The following PLD5 variants were observed in gnomAD, a reference collection of about 807,000 sequenced individuals.
PLD5 encodes inactive phospholipase D5.
In PLD5, 36 loss-of-function variants were observed where a neutral mutation model predicts 61.1. The ratio of observed to expected loss-of-function variants is 0.59; its 90% CI spans 0.45 to 0.78. The LOEUF is 0.78. PLD5 is among the 30% of genes least tolerant of loss of function. The pLI is 0.00. For synonymous variants in PLD5, 243 were observed against 242.8 expected, an observed-to-expected ratio of 1.00 and a Z score of -0.01; for missense variants, 515 against 644.4, an observed-to-expected ratio of 0.80 and a Z score of 2.17.
rs375148825 is a variant in PLD5, at chr1:242,115,951, A to C, written c.934-1925T>G. 7.2e-5 allele frequency among the ~76,000 whole-genome samples: 11 copies of C among 152,294 alleles called. No homozygotes were observed. The East Asian group carries it at 1.9e-3, about 27-fold the overall frequency. ...ATGGAGTTGCTGTAGAAAGGGAAAG[A>C]TGTGTTTGGTTTTCTCATTATTTTT... On this transcript the variant is annotated intron_variant, in intron 6 of 9. Transcript: ENST00000536534.
intron 2 of PLD5, among the ~76,000 whole-genome samples, chr1:242,310,367 C>A (rs1012340329): frequency 1.6e-4 from 24 of 152,114 alleles, no homozygotes; most frequent in African/African-American, 5.3e-4. Flanking sequence ...TCTTTTATTT[C>A]TTTTCTAGCA....
intron 5 of PLD5, among the ~76,000 whole-genome samples, chr1:242,193,763 G>A (rs1668429533): frequency 6.6e-6 from 1 of 152,184 alleles, no homozygotes; most frequent in Non-Finnish European, 1.5e-5. Context: ...CTGGATCTCA[G>A]CCCCAAATCT....
At chr1:242,311,113 C>T (rs547560725) in intron 2 of PLD5, among the ~76,000 whole-genome samples, 73 of 152,056 alleles carry the variant, frequency 4.8e-4, no homozygotes, top group Non-Finnish European at 8.2e-4. Context: ...TACAATGAAA[C>T]ATGAATATCC....
Position 242,093,083 on chromosome 1 carries a change from T to C in PLD5, c.1355-2973A>G, listed in dbSNP as rs1022335411. On this transcript the variant is annotated intron_variant, in intron 9 of 9. Transcript: ENST00000536534. ...TAGCTTTGGACGAATTTATTTCTGA[T>C]ATAAATTAGTGAACTGTCTTCCAAG... Among the ~76,000 whole-genome samples, 11 of 152,310 alleles carry C rather than the reference T, an allele frequency of 7.2e-5. No individual in the cohort carries two copies. In the South Asian group the frequency reaches 1.0e-3, roughly 14 times the overall value.
At chr1:242,221,945 A>G (rs537042436) in intron 4 of PLD5, among the ~76,000 whole-genome samples, 68 of 152,286 alleles carry the variant, frequency 4.5e-4, no homozygotes, top group African/African-American at 1.5e-3. Flanking sequence ...GCAGAAACTT[A>G]TCCTCCGTTC....
At chr1:242,273,292 T>C (rs1674219980) in intron 3 of PLD5, among the ~76,000 whole-genome samples, 1 of 152,134 alleles carries the variant, frequency 6.6e-6, no homozygotes, top group Non-Finnish European at 1.5e-5. Context: ...TTCCATGGTG[T>C]ATATGTGCCA....
intron 2 of PLD5, among the ~76,000 whole-genome samples, chr1:242,341,570 G>A (rs1265068867): frequency 1.7e-5 from 2 of 118,040 alleles, no homozygotes; most frequent in East Asian, 2.4e-4. Context: ...GTGAAGGGGT[G>A]GTATATTACA....
intron 4 of PLD5, among the ~76,000 whole-genome samples, chr1:242,228,792 C>T (rs372931564): frequency 2.0e-5 from 3 of 151,978 alleles, no homozygotes; most frequent in Admixed American, 1.3e-4. Context: ...TCCTCGTCCT[C>T]GCAACAGAGA....
At chr1:242,318,299 G>A (rs1477785872) in intron 2 of PLD5, among the ~76,000 whole-genome samples, 4 of 152,170 alleles carry the variant, frequency 2.6e-5, no homozygotes, top group Non-Finnish European at 5.9e-5. Flanking sequence ...CTTCTACAGA[G>A]CCAGCACCCT....
intron 2 of PLD5, among the ~76,000 whole-genome samples, chr1:242,314,588 C>G (rs1409288729): frequency 6.6e-6 from 1 of 152,156 alleles, no homozygotes; most frequent in Non-Finnish European, 1.5e-5. Flanking sequence ...AACTCTCTTC[C>G]TATCCCTTCT....
At chr1:242,174,811 A>G (rs1216379716) in intron 5 of PLD5, among the ~76,000 whole-genome samples, 1 of 151,964 alleles carries the variant, frequency 6.6e-6, no homozygotes, top group African/African-American at 2.4e-5. Context: ...AAAAAACCAA[A>G]CACCGCATGT....
chr1:242,371,837 A>ATTTTAGT (rs1228136293), intron 1 of PLD5, among the ~76,000 whole-genome samples: 2 of 151,800 alleles, frequency 1.3e-5, no homozygotes, highest in Non-Finnish European at 2.9e-5. Flanking sequence ...GAAGAAAAAC[A>ATTTTAGT]TTTTAGTTTT....
intron 1 of PLD5, among the ~76,000 whole-genome samples, chr1:242,376,045 A>T (rs1558508289): frequency 6.6e-6 from 1 of 152,224 alleles, no homozygotes; most frequent in Non-Finnish European, 1.5e-5. Flanking sequence ...AATAAATTAC[A>T]TGACAAAAAC....
chr1:242,169,660 A>G (rs531664588), intron 5 of PLD5, among the ~76,000 whole-genome samples: 1 of 152,304 alleles, frequency 6.6e-6, no homozygotes, highest in South Asian at 2.1e-4. Flanking sequence ...CATGGAGCCC[A>G]GCAAACTAAC....
chr1:242,385,322 T>C (rs1486551015), intron 1 of PLD5, among the ~76,000 whole-genome samples: 4 of 152,198 alleles, frequency 2.6e-5, no homozygotes, highest in Non-Finnish European at 5.9e-5. Context: ...TCCTCTGGAA[T>C]GTGTCTAGAC....
intron 5 of PLD5, among the ~76,000 whole-genome samples, chr1:242,141,543 C>T (rs1664173851): frequency 1.3e-5 from 2 of 152,118 alleles, no homozygotes; most frequent in Non-Finnish European, 2.9e-5. Flanking sequence ...CCTCCTCTTC[C>T]TCAGGCAGTT....
chr1:242,480,898 C>T (rs1667749819), intron 1 of PLD5, among the ~76,000 whole-genome samples: 1 of 152,098 alleles, frequency 6.6e-6, no homozygotes, highest in South Asian at 2.1e-4. Context: ...TCCATTAATA[C>T]TGGGGAGTGT....
intron 1 of PLD5, among the ~76,000 whole-genome samples, chr1:242,441,230 T>G (rs1666259313): frequency 6.6e-6 from 1 of 152,202 alleles, no homozygotes; most frequent in Non-Finnish European, 1.5e-5. Context: ...TAGTAAGTGC[T>G]ATGAAGCAAA....
chr1:242,269,085 C>T (rs1673892325), intron 3 of PLD5, among the ~76,000 whole-genome samples: 1 of 152,064 alleles, frequency 6.6e-6, no homozygotes, highest in African/African-American at 2.4e-5. Context: ...TGAGGTGATC[C>T]ACCTCCCTCG....
Sources: allele counts gnomAD v4.1 joint callset (sites outside exome capture counted in the v4.1 genomes callset), GRCh38; gene constraint gnomAD v4.1.1; transcripts MANE v1.5; gene names NCBI Gene and HGNC (gene_info 2026-07-23, HGNC 2026-07-21).